STARD5: variants seen among roughly 807,000 people sequenced by gnomAD.
STARD5 encodes the protein stAR-related lipid transfer protein 5.
A neutral mutation model predicts 24.6 loss-of-function variants in STARD5; 26 were observed. That is an observed-to-expected ratio of 1.06 (90% CI 0.77 to 1.47). The LOEUF is 1.47. Ranked by LOEUF, STARD5 falls within the 40% of genes most tolerant of loss-of-function variation. The pLI is 0.00. For synonymous variants in STARD5, 101 were observed against 99.7 expected (o/e 1.01, Z -0.07); for missense variants, 254 against 270.8 (o/e 0.94, Z 0.44).
In STARD5 at chr15:81,313,028, T is replaced by C. The variant is rs1358730480; in HGVS notation, c.*228A>G. 5.6e-6 allele frequency: 2 copies of C among 355,576 alleles called. No homozygotes were observed. The highest frequency in any genetic ancestry group is 1.0e-4 in the East Asian group (2 of 19,756). 22.0% of individuals were successfully genotyped at this position (355,576 alleles called of 1,614,324 possible). ...GAGGCGTGTTTGGGTAACAGGCAGA[T>C]GGAGTTTGGAACACATGAATGGCTC... On this transcript the variant is annotated 3_prime_UTR_variant, in exon 6 of 6. Coordinates refer to ENST00000302824, the MANE Select transcript of STARD5 (RefSeq NM_181900.3).
chr15:81,321,527 T>C (rs889557806), intron 3 of STARD5, among the ~76,000 whole-genome samples: 2 of 151,634 alleles, frequency 1.3e-5, no homozygotes, highest in African/African-American at 4.9e-5. Flanking sequence ...GGAGAATCAC[T>C]TGAACCCAGG....
At chr15:81,322,358 A>G in intron 3 of STARD5, 50 bp downstream of exon 3, 1 of 1,611,990 alleles carries the variant, frequency 6.2e-7, no homozygotes, top group Non-Finnish European at 8.5e-7. Context: ...GGGGGTTACT[A>G]TAGCCTGGCC....
At chr15:81,323,534 A>T in intron 1 of STARD5, 1 of 824,768 alleles carries the variant, frequency 1.2e-6, no homozygotes, top group Non-Finnish European at 2.0e-6. Flanking sequence ...GCAACGACAA[A>T]GAGAGGGGTT....
chr15:81,313,438 G>A (rs776270357), intron 5 of STARD5, 35 bp from the exon 6 acceptor site: 15 of 1,469,848 alleles, frequency 1.0e-5, no homozygotes, highest in East Asian at 2.6e-5. Context: ...GTTATGATCT[G>A]CAGCAGAGGT....
Position 81,313,244 on chromosome 15 carries a change from G to A in STARD5, c.*12C>T. ...AGTCACGGGAGTTCTTTGCCAAGAA[G>A]TAACGATAGCATTACTCATGGAATT... is the stretch of plus-strand genomic sequence containing the variant. On this transcript the variant is annotated 3_prime_UTR_variant, in exon 6 of 6. Coordinates refer to ENST00000302824, the MANE Select transcript of STARD5 (RefSeq NM_181900.3). The A allele has an allele frequency of 3.2e-6, 5 of 1,539,436 alleles. No homozygotes were observed. The highest frequency in any genetic ancestry group is 2.5e-5 in the East Asian group (1 of 40,030).
chr15:81,314,904 A>AAAC (rs1297391069), intron 5 of STARD5, among the ~76,000 whole-genome samples: 1 of 149,848 alleles, frequency 6.7e-6, no homozygotes. Context: ...AAAAAAAAAA[A>AAAC]AAAAAAAAAA....
intron 5 of STARD5, among the ~76,000 whole-genome samples, chr15:81,317,107 G>A (rs1205540839): frequency 6.7e-6 from 1 of 150,246 alleles, no homozygotes; most frequent in Admixed American, 6.7e-5. Context: ...TGAGGCAGGA[G>A]AATCGCTTGA....
At chr15:81,319,712 T>C (rs1482451182) in intron 3 of STARD5, among the ~76,000 whole-genome samples, 1 of 152,254 alleles carries the variant, frequency 6.6e-6, no homozygotes, top group East Asian at 1.9e-4. Flanking sequence ...TCACGTCTCA[T>C]GTGACCATAA....
Position 81,319,437 on chromosome 15 carries a change from G to A in STARD5, c.302C>T (p.Thr101Ile). The A allele has an allele frequency of 1.2e-6, 2 of 1,614,164 alleles. No individual in the cohort carries two copies. The highest frequency in any genetic ancestry group is 1.7e-6 in the Non-Finnish European group (2 of 1,180,020). Reference sequence around the variant, plus strand: ...CTTCATGGCAGCGGAGGGAGTGGAGGTTCTGCTTACACACAGGGTCTGCCA... The same window carrying A: ...CTTCATGGCAGCGGAGGGAGTGGAGATTCTGCTTACACACAGGGTCTGCCA... Reference protein sequence around the residue: ...SITDTLCVSRTSTPSAAMKLI... With the variant: ...SITDTLCVSRISTPSAAMKLI... Residue 101 changes from threonine to isoleucine, a missense_variant, in exon 4 of 6, where the codon ACC (threonine) becomes ATC (isoleucine). Coordinates refer to ENST00000302824, the MANE Select transcript of STARD5 (RefSeq NM_181900.3).
intron 5 of STARD5, among the ~76,000 whole-genome samples, chr15:81,315,826 C>T (rs896269961): frequency 7.9e-5 from 12 of 152,158 alleles, no homozygotes; most frequent in Middle Eastern, 3.4e-3. Flanking sequence ...GGAGTGCAGA[C>T]GATGCTAAGG....
At chr15:81,315,653 C>T (rs554073125) in intron 5 of STARD5, among the ~76,000 whole-genome samples, 2 of 152,122 alleles carry the variant, frequency 1.3e-5, no homozygotes, top group South Asian at 4.1e-4. Flanking sequence ...GCCCCCCGCG[C>T]CACTTGGAGC....
chr15:81,316,881 A>AC (rs1285718957), intron 5 of STARD5, among the ~76,000 whole-genome samples: 11 of 152,074 alleles, frequency 7.2e-5, no homozygotes, highest in Admixed American at 1.3e-4. Context: ...GTTTTGTGGG[A>AC]CCCCAACCAC....
rs754815294 is a variant in STARD5 at position 81,319,423 on chromosome 15, C to T, written c.316G>A (p.Ala106Thr). Residue 106 changes from alanine to threonine, a missense_variant, in exon 4 of 6, where the codon GCT becomes ACT. Transcript: ENST00000302824. ...LCVSRTSTPS[A>T]AMKLISPRDF... is the part of the protein sequence containing the mutation. ...CTGGGAGAAATGAGCTTCATGGCAGCGGAGGGAGTGGAGGTTCTGCTTACA... is the reference window on the plus strand; with the variant it reads ...CTGGGAGAAATGAGCTTCATGGCAGTGGAGGGAGTGGAGGTTCTGCTTACA... 4.0e-5 allele frequency: 64 copies of T among 1,614,056 alleles called. 1 individual carries two copies. Among genetic ancestry groups the T allele is most frequent in the Non-Finnish European group, 4.9e-5 (58 of 1,180,034 alleles).
rs979666288 is a variant in STARD5 at position 81,313,565 on chromosome 15, G to C, written c.495-162C>G. 5.4e-6 allele frequency: 3 copies of C among 553,156 alleles called. No individual in the cohort carries two copies. The East Asian group carries it at 1.0e-4, about 19-fold the overall frequency. 34.3% of individuals were successfully genotyped at this position (553,156 alleles called of 1,614,324 possible). ...CCACCCAGGAGTCCTCTCTGGACCTGCTGATTTTCAGGATGGAAACCCATC... is the reference window on the plus strand; with the variant it reads ...CCACCCAGGAGTCCTCTCTGGACCTCCTGATTTTCAGGATGGAAACCCATC... On this transcript the variant is annotated intron_variant, in intron 5 of 5. Coordinates refer to ENST00000302824, the MANE Select transcript of STARD5 (RefSeq NM_181900.3).
intron 5 of STARD5, among the ~76,000 whole-genome samples, chr15:81,315,306 CT>C (rs1207161383): frequency 6.6e-6 from 1 of 152,092 alleles, no homozygotes; most frequent in Non-Finnish European, 1.5e-5. Flanking sequence ...GAGGAATGGG[CT>C]TTGTGGTGGG....
rs565818345 is a variant in STARD5, at chr15:81,324,000, C to T, written c.99+1G>A. On this transcript the variant is annotated splice_donor_variant, in intron 1 of 5. Transcript: ENST00000302824. LOFTEE classifies it high-confidence loss of function. ...CCCTTCCCGCCCAGCTCCTCACTCACGCCTTCCCGGCAAATCTTCCAGCCT... is the reference window on the plus strand; with the variant it reads ...CCCTTCCCGCCCAGCTCCTCACTCATGCCTTCCCGGCAAATCTTCCAGCCT... 1.3e-6 allele frequency: 2 copies of T among 1,594,314 alleles called. No homozygotes were observed. The highest frequency in any genetic ancestry group is 1.7e-6 in the Non-Finnish European group (2 of 1,169,752).
At position 81,319,442 on chromosome 15, in the gene STARD5, G is replaced by T. The variant is rs1201578783; in HGVS notation, c.297C>A (p.Ser99Arg). The T allele has an allele frequency of 6.2e-7, 1 of 1,614,174 alleles. No homozygotes were observed. Among genetic ancestry groups the T allele is most frequent in the Non-Finnish European group, 8.5e-7 (1 of 1,180,016 alleles). The change falls in exon 4 of 6, where the codon AGC becomes AGA. Residue 99 changes from serine to arginine, a missense_variant. Coordinates refer to ENST00000302824, the MANE Select transcript of STARD5 (RefSeq NM_181900.3). ...IQSITDTLCV[S>R]RTSTPSAAMK... ...TGGCAGCGGAGGGAGTGGAGGTTCT[G>T]CTTACACACAGGGTCTGCCAAACCA...
rs890076913 is a variant in STARD5, at chr15:81,319,313, T to C, written c.400+26A>G. On this transcript the variant is annotated intron_variant, in intron 4 of 5. Transcript: ENST00000302824. Reference sequence around the variant, plus strand: ...GAAAGCTCGATATCGCAGGAAGGCATGGCAGCTCCTCCGGGCATCACTCAC... The same window carrying C: ...GAAAGCTCGATATCGCAGGAAGGCACGGCAGCTCCTCCGGGCATCACTCAC... The C allele has an allele frequency of 2.5e-6, 4 of 1,585,314 alleles. No homozygotes were observed. In the South Asian group the frequency reaches 4.4e-5, roughly 18 times the overall value.
At chr15:81,319,069 C>T (rs1269809634) in intron 4 of STARD5, among the ~76,000 whole-genome samples, 1 of 151,218 alleles carries the variant, frequency 6.6e-6, no homozygotes, top group Non-Finnish European at 1.5e-5. Context: ...CACATGTGTA[C>T]AGCACACACC....
Sources: allele counts gnomAD v4.1 joint callset (sites outside exome capture counted in the v4.1 genomes callset), GRCh38; gene constraint gnomAD v4.1.1; transcripts MANE v1.5; gene names NCBI Gene and HGNC (gene_info 2026-07-23, HGNC 2026-07-21).